Variants in SIDT1 observed in about 807,000 individuals in gnomAD.
SIDT1 encodes the protein SID1 transmembrane family member 1, also known as SID1 transmembrane family, member 1.
SIDT1 carries 101 observed loss-of-function variants against 107.5 expected under a neutral mutation model. The observed-to-expected ratio is 0.94, with a 90% CI of 0.80 to 1.11. The LOEUF is 1.11. SIDT1 is among the 50% of genes least tolerant of loss of function. The pLI, the probability that SIDT1 is intolerant of heterozygous loss-of-function variation, is 0.00. For missense variants in SIDT1, 1,076 were observed against 1,058.2 expected (o/e 1.02, Z -0.23); for synonymous variants, 395 against 398.2 (o/e 0.99, Z 0.10).
At chr3:113,541,515 A>G (rs1270681065) in intron 1 of SIDT1, among the ~76,000 whole-genome samples, 1 of 152,166 alleles carries the variant, frequency 6.6e-6, no homozygotes, top group African/African-American at 2.4e-5. Flanking sequence ...AATGTCATCC[A>G]ATCATTTCGA....
chr3:113,619,139 A>C (rs1946293563), intron 20 of SIDT1, among the ~76,000 whole-genome samples: 1 of 152,196 alleles, frequency 6.6e-6, no homozygotes, highest in African/African-American at 2.4e-5. Context: ...GTCCTTTAAA[A>C]TTGACCTTTT....
chr3:113,534,139 T>TG (rs1449354687), intron 1 of SIDT1, among the ~76,000 whole-genome samples: 1 of 152,182 alleles, frequency 6.6e-6, no homozygotes, highest in Non-Finnish European at 1.5e-5. Flanking sequence ...TACCAACCTC[T>TG]GGATCTTCTT....
At position 113,615,082 on chromosome 3, in the gene SIDT1, T is replaced by A. The variant is rs1440329747; in HGVS notation, c.1967-1018T>A. The A allele has an allele frequency of 4.6e-6, 7 of 1,535,576 alleles. No homozygotes were observed. In the African/African-American group the frequency reaches 9.6e-5, roughly 21 times the overall value. On this transcript the variant is annotated intron_variant, in intron 19 of 24. Coordinates refer to ENST00000264852, the MANE Select transcript of SIDT1 (RefSeq NM_017699.3). ...ATTCAGATGTGTCTGACACAGGTAA[T>A]GTTCAGCCACCCTTTCCAGGGGTCT...
At chr3:113,618,567 T>A (rs1485211640) in intron 20 of SIDT1, among the ~76,000 whole-genome samples, 4 of 152,216 alleles carry the variant, frequency 2.6e-5, no homozygotes, top group African/African-American at 9.6e-5. Flanking sequence ...TTGCTCCACA[T>A]CCTCGCCAGC....
intron 1 of SIDT1, among the ~76,000 whole-genome samples, chr3:113,556,182 C>A (rs1940837631): frequency 6.6e-6 from 1 of 152,318 alleles, no homozygotes; most frequent in East Asian, 1.9e-4. Context: ...GTCTATATAT[C>A]TTTCTTTATT....
At chr3:113,636,546 G>A in the SIDT1 span, among the ~76,000 whole-genome samples, 810 of 152,338 alleles carry the variant, frequency 5.3e-3, 5 homozygotes, top group Admixed American at 0.013. Context: ...CACAACTACA[G>A]TCAGGCTGAA....
rs753081292 is a variant in SIDT1, at chr3:113,623,552, GC to G, written c.2196+21del. 4 of 1,607,332 alleles carry G rather than the reference GC, an allele frequency of 2.5e-6. No individual in the cohort carries two copies. The East Asian group carries it at 8.9e-5, about 36-fold the overall frequency. The stretch of plus-strand genomic sequence containing the variant: ...ATGAAGGTAAGAGCGGGTGCCGGGA[GC>G]GGCTACCTCGGGCCCTCGGGCAGGC... On this transcript the variant is annotated intron_variant, in intron 22 of 24. Coordinates refer to ENST00000264852, the MANE Select transcript of SIDT1 (RefSeq NM_017699.3).
chr3:113,560,289 G>A lies in SIDT1; in HGVS notation c.223-6131G>A, dbSNP rs1011162299. 4.6e-5 allele frequency among the ~76,000 whole-genome samples: 7 copies of A among 152,300 alleles called. No homozygotes were observed. The South Asian group carries it at 6.2e-4, about 14-fold the overall frequency. The stretch of plus-strand genomic sequence containing the variant: ...CCTGATTCCCCCTGGGGGTAATCAC[G>A]TTGTCCTCTGTGTACCCACAGTACT... On this transcript the variant is annotated intron_variant, in intron 1 of 24. Transcript: ENST00000264852.
chr3:113,559,177 T>A (rs1170981400), intron 1 of SIDT1, among the ~76,000 whole-genome samples: 1 of 152,234 alleles, frequency 6.6e-6, no homozygotes, highest in South Asian at 2.1e-4. Flanking sequence ...CTTGTACATA[T>A]GCAAGAATTT....
chr3:113,622,901 A>G (rs1946562536), intron 21 of SIDT1, among the ~76,000 whole-genome samples: 1 of 152,124 alleles, frequency 6.6e-6, no homozygotes, highest in Non-Finnish European at 1.5e-5. Flanking sequence ...AAAGTTACTT[A>G]TATAGGCAAG....
chr3:113,555,903 A>G (rs114500131), intron 1 of SIDT1, among the ~76,000 whole-genome samples: 8 of 149,708 alleles, frequency 5.3e-5, no homozygotes, highest in African/African-American at 1.5e-4. Context: ...GTGTCTCCAC[A>G]CACAGGAAAC....
chr3:113,608,056 G>T lies in SIDT1; in HGVS notation c.1479-38G>T, dbSNP rs759539325. 12 of 1,519,682 alleles carry T rather than the reference G, an allele frequency of 7.9e-6. 1 individual carries two copies. The South Asian group carries it at 1.5e-4, about 19-fold the overall frequency. 94.1% of individuals were successfully genotyped at this position (1,519,682 alleles called of 1,614,324 possible). A position where few individuals can be genotyped will look rare whatever the true frequency, so the allele number is the denominator to read the frequency against. On this transcript the variant is annotated intron_variant, in intron 15 of 24. Transcript: ENST00000264852. ...ATGTATTCTCTGGGTCCCTTTGATG[G>T]TCTTGACTCTCTCATGGTCTCTCAC...
chr3:113,544,163 A>T (rs1322381316), intron 1 of SIDT1, among the ~76,000 whole-genome samples: 1 of 149,766 alleles, frequency 6.7e-6, no homozygotes. Flanking sequence ...TTTAATTATC[A>T]TGAGTCTTTT....
chr3:113,564,277 A>G (rs1576779200), intron 1 of SIDT1, among the ~76,000 whole-genome samples: 2 of 152,322 alleles, frequency 1.3e-5, no homozygotes, highest in Non-Finnish European at 2.9e-5. Flanking sequence ...GTGGGGGTGT[A>G]TGGGAAATAG....
intron 21 of SIDT1, among the ~76,000 whole-genome samples, chr3:113,620,663 G>C (rs1946406055): frequency 6.6e-6 from 1 of 152,132 alleles, no homozygotes; most frequent in Non-Finnish European, 1.5e-5. Context: ...ATTGCCTCAG[G>C]ATAAGATGTA....
At chr3:113,634,632 C>T in the SIDT1 span, among the ~76,000 whole-genome samples, 1 of 151,576 alleles carries the variant, frequency 6.6e-6, no homozygotes, top group Non-Finnish European at 1.5e-5. Context: ...CTTGTCTTTA[C>T]CAAAAATACA....
Position 113,626,177 on chromosome 3 carries a change from C to A in SIDT1, c.2383C>A (p.His795Asn), listed in dbSNP as rs1946836663. The change falls in exon 24 of 25, where the codon CAC becomes AAC. Residue 795 changes from histidine (H) to asparagine (N), a missense_variant. Transcript: ENST00000264852. ...TTTCTTCGATGACCATGACATCTGG[C>A]ACTTCCTCTCTGCTACTGCTCTGTT... Reference protein sequence around the residue: ...LDFFDDHDIWHFLSATALFFS... With the variant: ...LDFFDDHDIWNFLSATALFFS... The A allele has an allele frequency of 6.2e-7, 1 of 1,613,920 alleles. No homozygotes were observed. Among genetic ancestry groups the A allele is most frequent in the African/African-American group, 1.3e-5 (1 of 75,014 alleles).
intron 3 of SIDT1, among the ~76,000 whole-genome samples, chr3:113,573,990 A>G (rs1212546605): frequency 1.3e-5 from 2 of 152,186 alleles, no homozygotes; most frequent in Admixed American, 6.5e-5. Context: ...AGAGATAAAC[A>G]TGGAATACTC....
intron 20 of SIDT1, among the ~76,000 whole-genome samples, chr3:113,618,996 T>C (rs1474040584): frequency 1.3e-5 from 2 of 152,056 alleles, no homozygotes; most frequent in Non-Finnish European, 2.9e-5. Flanking sequence ...GGCCAATTTT[T>C]GTATTTTTAG....
Sources: allele counts gnomAD v4.1 joint callset (sites outside exome capture counted in the v4.1 genomes callset), GRCh38; gene constraint gnomAD v4.1.1; transcripts MANE v1.5; gene names NCBI Gene and HGNC (gene_info 2026-07-23, HGNC 2026-07-21).